Variants in EPHA6 observed in about 807,000 individuals in gnomAD.
EPHA6 encodes the protein EPH receptor A6, also known as ephrin type-A receptor 6.
A neutral mutation model predicts 112.0 loss-of-function variants in EPHA6; 50 were observed. The ratio of observed to expected loss-of-function variants is 0.45; its 90% CI spans 0.36 to 0.56. The LOEUF (loss-of-function observed/expected upper bound fraction) is 0.56. Among genes scored for constraint, EPHA6 ranks in the 20% least tolerant of loss-of-function variants. EPHA6 has a pLI of 0.00. For missense variants in EPHA6, 1,280 were observed against 1,417.4 expected (o/e 0.90, Z 1.56); for synonymous variants, 529 against 490.7 (o/e 1.08, Z -1.03).
intron 3 of EPHA6, among the ~76,000 whole-genome samples, chr3:97,013,110 A>G (rs2044148306): frequency 2.6e-5 from 4 of 152,166 alleles, no homozygotes; most frequent in East Asian, 1.9e-4. Context: ...ATTAGGCCTC[A>G]CTTGTCAATT....
chr3:97,661,361 C>T lies in EPHA6; in HGVS notation c.2784+23279C>T, dbSNP rs901017869. Among the ~76,000 whole-genome samples, 5 of 152,144 alleles carry T rather than the reference C, an allele frequency of 3.3e-5. No individual in the cohort carries two copies. In the East Asian group the frequency reaches 9.6e-4, roughly 29 times the overall value. On this transcript the variant is annotated intron_variant, in intron 14 of 17. Transcript: ENST00000389672. Reference sequence around the variant, plus strand: ...AAATTAATGTAGTTCAACAGCCCCTCTACTAGCTTTGAACACTGCAGAAAT... The same window carrying T: ...AAATTAATGTAGTTCAACAGCCCCTTTACTAGCTTTGAACACTGCAGAAAT...
chr3:97,166,877 C>G (rs2076554843), intron 3 of EPHA6, among the ~76,000 whole-genome samples: 1 of 152,090 alleles, frequency 6.6e-6, no homozygotes, highest in South Asian at 2.1e-4. Flanking sequence ...GAAAGGGAAA[C>G]AGTGAAACAT....
At chr3:97,695,218 A>G (rs1306993426) in intron 14 of EPHA6, among the ~76,000 whole-genome samples, 1 of 152,206 alleles carries the variant, frequency 6.6e-6, no homozygotes, top group East Asian at 1.9e-4. Flanking sequence ...GGAAAACCAC[A>G]AGCCTGTTCA....
At chr3:96,920,521 A>G (rs2039701110) in intron 2 of EPHA6, among the ~76,000 whole-genome samples, 1 of 151,986 alleles carries the variant, frequency 6.6e-6, no homozygotes, top group Non-Finnish European at 1.5e-5. Context: ...CTCTTGGTCA[A>G]TTAAGTTCTA....
At chr3:97,480,527 T>G (rs1244899363) in intron 9 of EPHA6, among the ~76,000 whole-genome samples, 1 of 152,100 alleles carries the variant, frequency 6.6e-6, no homozygotes, top group Admixed American at 6.5e-5. Flanking sequence ...CAGCACATGT[T>G]TCAGAGAGCA....
At chr3:97,000,297 A>G (rs2043603021) in intron 3 of EPHA6, among the ~76,000 whole-genome samples, 1 of 151,282 alleles carries the variant, frequency 6.6e-6, no homozygotes, top group South Asian at 2.1e-4. Flanking sequence ...ACACACATAT[A>G]TATAGCCATA....
At chr3:97,076,328 G>A (rs1363547540) in intron 3 of EPHA6, among the ~76,000 whole-genome samples, 2 of 152,120 alleles carry the variant, frequency 1.3e-5, no homozygotes, top group Non-Finnish European at 2.9e-5. Flanking sequence ...AGTTTTAGTG[G>A]TCTGGATAGA....
chr3:97,179,330 CTCTG>C (rs2076920912), intron 3 of EPHA6, among the ~76,000 whole-genome samples: 1 of 148,408 alleles, frequency 6.7e-6, no homozygotes, highest in Non-Finnish European at 1.5e-5. Flanking sequence ...ATTTTGAATT[CTCTG>C]TCTGAAAAGT....
chr3:96,852,649 C>CTTGA (rs1158019416), intron 1 of EPHA6, among the ~76,000 whole-genome samples: 1 of 151,772 alleles, frequency 6.6e-6, no homozygotes, highest in Admixed American at 6.6e-5. Context: ...GGCTTGCTCC[C>CTTGA]CTTCAACCTG....
At chr3:97,548,286 C>T (rs1161142866) in intron 11 of EPHA6, among the ~76,000 whole-genome samples, 5 of 152,138 alleles carry the variant, frequency 3.3e-5, no homozygotes, top group South Asian at 2.1e-4. Context: ...AATTATACAC[C>T]GTTCTCAGTG....
At chr3:97,451,592 T>TAA (rs36039216) in intron 7 of EPHA6, among the ~76,000 whole-genome samples, 24 of 132,112 alleles carry the variant, frequency 1.8e-4, no homozygotes, top group Non-Finnish European at 1.8e-4. Flanking sequence ...AAAGGATCAT[T>TAA]AAAAAAAAAA....
intron 3 of EPHA6, among the ~76,000 whole-genome samples, chr3:97,038,361 G>A (rs189871295): frequency 2.0e-5 from 3 of 151,890 alleles, no homozygotes; most frequent in East Asian, 3.9e-4. Flanking sequence ...CTCTGTCTTC[G>A]TGAAGTCCAA....
intron 11 of EPHA6, among the ~76,000 whole-genome samples, chr3:97,554,914 G>A (rs1311098105): frequency 6.6e-6 from 1 of 151,622 alleles, no homozygotes; most frequent in East Asian, 1.9e-4. Flanking sequence ...GGGCTCACCT[G>A]TGAGTGTGCC....
chr3:97,707,343 G>A (rs1263687088), intron 14 of EPHA6, among the ~76,000 whole-genome samples: 3 of 152,118 alleles, frequency 2.0e-5, no homozygotes, highest in Non-Finnish European at 1.5e-5. Context: ...AACTTTCTGG[G>A]AGGACAGTAC....
intron 6 of EPHA6, among the ~76,000 whole-genome samples, chr3:97,408,034 C>G (rs886235557): frequency 6.6e-6 from 1 of 152,002 alleles, no homozygotes; most frequent in Admixed American, 6.6e-5. Context: ...GTGAGGGCCC[C>G]CTCCTCATTT....
At position 97,760,054 on chromosome 3, in the gene EPHA6, CT is replaced by C. The variant is rs1425161077; in HGVS notation, c.*11355del. ...CTGTTATAATGCAAAGCCTATCAAA[CT>C]TAAAATTAGCTTAATCCTGAAAGAT... On this transcript the variant is annotated 3_prime_UTR_variant, in exon 18 of 18. Transcript: ENST00000389672. 5.4e-6 allele frequency: 1 copy of C among 184,042 alleles called. No homozygotes were observed. The highest frequency in any genetic ancestry group is 1.2e-5 in the Non-Finnish European group (1 of 86,710). 11.4% of individuals were successfully genotyped at this position (184,042 alleles called of 1,614,324 possible). A position where few individuals can be genotyped will look rare whatever the true frequency, so the allele number is the denominator to read the frequency against.
At chr3:97,628,484 T>C (rs914498596) in intron 13 of EPHA6, among the ~76,000 whole-genome samples, 2 of 151,966 alleles carry the variant, frequency 1.3e-5, no homozygotes, top group Admixed American at 1.3e-4. Context: ...AAGATATCAC[T>C]AAGAGTCATA....
intron 3 of EPHA6, among the ~76,000 whole-genome samples, chr3:97,059,339 T>G (rs1263241154): frequency 6.6e-6 from 1 of 152,106 alleles, no homozygotes; most frequent in Non-Finnish European, 1.5e-5. Flanking sequence ...AATGCTTTGA[T>G]TGGAAAGGAA....
At chr3:97,025,586 C>T (rs948148780) in intron 3 of EPHA6, among the ~76,000 whole-genome samples, 5 of 152,074 alleles carry the variant, frequency 3.3e-5, no homozygotes, top group Admixed American at 2.0e-4. Context: ...TATGGTTTTA[C>T]ATTTAAGTCT....
Sources: allele counts gnomAD v4.1 joint callset (sites outside exome capture counted in the v4.1 genomes callset), GRCh38; gene constraint gnomAD v4.1.1; transcripts MANE v1.5; gene names NCBI Gene and HGNC (gene_info 2026-07-23, HGNC 2026-07-21).